Variants in PDE8A observed in about 807,000 individuals in gnomAD.
The protein encoded by PDE8A is high affinity cAMP-specific and IBMX-insensitive 3',5'-cyclic phosphodiesterase 8A.
A neutral mutation model predicts 105.0 loss-of-function variants in PDE8A; 59 were observed. The observed-to-expected ratio is 0.56, with a 90% CI of 0.46 to 0.70. The LOEUF (loss-of-function observed/expected upper bound fraction) is 0.70. Among genes scored for constraint, PDE8A ranks in the 30% least tolerant of loss-of-function variants. PDE8A has a pLI of 0.00. For missense variants in PDE8A, 1,014 were observed against 1,045.9 expected, an observed-to-expected ratio of 0.97 and a Z score of 0.42; for synonymous variants, 355 against 371.9, an observed-to-expected ratio of 0.95 and a Z score of 0.52.
At chr15:85,065,472 T>TA (rs1490444336) in intron 2 of PDE8A, among the ~76,000 whole-genome samples, 2 of 138,574 alleles carry the variant, frequency 1.4e-5, no homozygotes, top group Non-Finnish European at 3.0e-5. Context: ...CCCTAAAACT[T>TA]AAAGTATAAT....
rs532525807 is a variant in PDE8A at position 85,000,215 on chromosome 15, G to C, written c.186+17867G>C. Reference sequence around the variant, plus strand: ...ACCTTAGAAGTGACAGACTTTTCTTGTTTTTCTTTGCCTATTAACCAGAAT... The same window carrying C: ...ACCTTAGAAGTGACAGACTTTTCTTCTTTTTCTTTGCCTATTAACCAGAAT... On this transcript the variant is annotated intron_variant, in intron 1 of 21. Transcript: ENST00000394553. Among the ~76,000 whole-genome samples the C allele has an allele frequency of 2.3e-4, 35 of 152,226 alleles. No individual in the cohort carries two copies. The South Asian group carries it at 4.6e-3, about 20-fold the overall frequency.
intron 9 of PDE8A, among the ~76,000 whole-genome samples, chr15:85,098,359 A>G (rs1434552085): frequency 2.6e-5 from 4 of 152,264 alleles, no homozygotes; most frequent in Non-Finnish European, 4.4e-5. Flanking sequence ...CTATATTGAA[A>G]AGATTTTTTA....
chr15:85,106,328 C>T (rs150592887), intron 11 of PDE8A, among the ~76,000 whole-genome samples: 3 of 152,228 alleles, frequency 2.0e-5, no homozygotes, highest in East Asian at 3.9e-4. Flanking sequence ...TCCTGAACTT[C>T]AGAATTATTA....
chr15:85,019,645 G>A (rs1423385213), intron 1 of PDE8A, among the ~76,000 whole-genome samples: 2 of 152,052 alleles, frequency 1.3e-5, no homozygotes, highest in Non-Finnish European at 1.5e-5. Context: ...GCAATGGCAT[G>A]ATCTTGGCTC....
At chr15:85,008,990 A>G (rs191803987) in intron 1 of PDE8A, among the ~76,000 whole-genome samples, 2 of 152,086 alleles carry the variant, frequency 1.3e-5, no homozygotes, top group African/African-American at 4.8e-5. Context: ...CACTGGGCCC[A>G]TGGGAGGTAC....
intron 1 of PDE8A, among the ~76,000 whole-genome samples, chr15:84,994,009 C>A (rs1274892640): frequency 6.6e-6 from 1 of 152,174 alleles, no homozygotes; most frequent in Non-Finnish European, 1.5e-5. Flanking sequence ...TTCTGCAGCT[C>A]CCTCCAAAAG....
chr15:85,067,292 CT>C, intron 3 of PDE8A, 88 bp downstream of exon 3: 1 of 930,706 alleles, frequency 1.1e-6, no homozygotes, highest in Non-Finnish European at 1.6e-6. Context: ...GACTCACTCT[CT>C]TTTAAGTTGC....
intron 1 of PDE8A, among the ~76,000 whole-genome samples, chr15:85,012,189 C>T (rs1434429729): frequency 6.6e-6 from 1 of 152,202 alleles, no homozygotes; most frequent in Non-Finnish European, 1.5e-5. Flanking sequence ...CCAGCCATCT[C>T]ATTACTGGGT....
chr15:85,106,938 T>C (rs1195584386), intron 11 of PDE8A, among the ~76,000 whole-genome samples: 1 of 152,188 alleles, frequency 6.6e-6, no homozygotes, highest in Non-Finnish European at 1.5e-5. Context: ...ATTGAGCTTC[T>C]ATACACATAT....
At chr15:85,133,350 G>T (rs1208742029) in intron 20 of PDE8A, among the ~76,000 whole-genome samples, 2 of 152,130 alleles carry the variant, frequency 1.3e-5, no homozygotes, top group Non-Finnish European at 2.9e-5. Context: ...GTGAAACAGA[G>T]ACCAATCCTT....
At chr15:84,994,057 C>T (rs1170834815) in intron 1 of PDE8A, among the ~76,000 whole-genome samples, 1 of 152,168 alleles carries the variant, frequency 6.6e-6, no homozygotes, top group Non-Finnish European at 1.5e-5. Context: ...CTCCGTGTCT[C>T]TTCACTTTTC....
intron 6 of PDE8A, among the ~76,000 whole-genome samples, chr15:85,086,870 C>T (rs2141516920): frequency 6.6e-6 from 1 of 152,116 alleles, no homozygotes; most frequent in Admixed American, 6.5e-5. Context: ...CCTGCCTCAG[C>T]CTCCCAAGTA....
intron 1 of PDE8A, among the ~76,000 whole-genome samples, chr15:85,024,227 A>G (rs1025124317): frequency 5.1e-5 from 6 of 116,530 alleles, no homozygotes; most frequent in Non-Finnish European, 1.3e-4. Context: ...ATCATACCAT[A>G]TCATCGTCTG....
At chr15:85,113,750 G>A (rs1238567468) in intron 13 of PDE8A, 123 bp from the exon 14 acceptor site, 2 of 737,202 alleles carry the variant, frequency 2.7e-6, no homozygotes, top group Non-Finnish European at 4.5e-6. Context: ...AAACTCCTGG[G>A]CTCAAGTAAT....
chr15:84,993,610 G>A (rs986756185), intron 1 of PDE8A, among the ~76,000 whole-genome samples: 7 of 152,100 alleles, frequency 4.6e-5, no homozygotes, highest in African/African-American at 7.2e-5. Context: ...GGGCGTAGTG[G>A]CTCATGCCTG....
chr15:85,002,075 A>G (rs374602953), intron 1 of PDE8A, among the ~76,000 whole-genome samples: 12 of 151,968 alleles, frequency 7.9e-5, no homozygotes, highest in East Asian at 5.8e-4. Flanking sequence ...AAAAACTCCC[A>G]CACACGTAAA....
intron 1 of PDE8A, among the ~76,000 whole-genome samples, chr15:85,030,336 A>G (rs1466488939): frequency 6.6e-6 from 1 of 151,816 alleles, no homozygotes; most frequent in Non-Finnish European, 1.5e-5. Context: ...CCAGTTTGGT[A>G]TGATCTCCTA....
intron 18 of PDE8A, among the ~76,000 whole-genome samples, chr15:85,121,302 A>G (rs1186994395): frequency 6.6e-6 from 1 of 151,728 alleles, no homozygotes; most frequent in African/African-American, 2.4e-5. Flanking sequence ...CTGTAGTCCC[A>G]GCTACTCGGG....
rs201826716 is a variant in PDE8A, at chr15:85,050,024, GTC to G, written c.187-14343_187-14342del. ...TTTTCTGGTAGTAGTGTGAGGTGGT[GTC>G]TCATTGTGGTTTTGATTTTCATTTC... On this transcript the variant is annotated intron_variant, in intron 1 of 21. Transcript: ENST00000394553. Among the ~76,000 whole-genome samples the G allele has an allele frequency of 4.5e-3, 687 of 152,206 alleles. 7 individuals carry two copies. The highest frequency in any genetic ancestry group is 0.016 in the African/African-American group (652 of 41,524).
Sources: allele counts gnomAD v4.1 joint callset (sites outside exome capture counted in the v4.1 genomes callset), GRCh38; gene constraint gnomAD v4.1.1; transcripts MANE v1.5; gene names NCBI Gene and HGNC (gene_info 2026-07-23, HGNC 2026-07-21).